Variants in GLDC observed in about 807,000 individuals in gnomAD.
GLDC encodes glycine decarboxylase, also known as glycine dehydrogenase (decarboxylating), mitochondrial.
GLDC carries 104 observed loss-of-function variants against 121.3 expected under a neutral mutation model. That is an observed-to-expected ratio of 0.86 (90% CI 0.73 to 1.01). The LOEUF is 1.01. Ranked by LOEUF, GLDC falls within the 50% of genes least tolerant of loss-of-function variation. GLDC has a pLI of 0.00. For synonymous variants in GLDC, 546 were observed against 480.6 expected, an observed-to-expected ratio of 1.14 and a Z score of -1.78; for missense variants, 1,429 against 1,306.6, an observed-to-expected ratio of 1.09 and a Z score of -1.44.
intron 16 of GLDC, among the ~76,000 whole-genome samples, chr9:6,563,163 CCCG>C (rs1476511272): frequency 6.6e-6 from 1 of 152,198 alleles, no homozygotes; most frequent in Non-Finnish European, 1.5e-5. Context: ...ACGGAAGAAC[CCCG>C]CCCAGGCCAA....
At chr9:6,602,704 G>T (rs1030839285) in intron 7 of GLDC, among the ~76,000 whole-genome samples, 1 of 152,110 alleles carries the variant, frequency 6.6e-6, no homozygotes, top group African/African-American at 2.4e-5. Context: ...TATACAATAA[G>T]TCTAGGAATT....
intron 6 of GLDC, 74 bp downstream of exon 6, chr9:6,605,057 A>C (rs1469781262): frequency 7.5e-7 from 1 of 1,325,968 alleles, no homozygotes; most frequent in Non-Finnish European, 1.1e-6. Context: ...ATGAAAAGAC[A>C]GAGAGAGAGA....
intron 16 of GLDC, among the ~76,000 whole-genome samples, chr9:6,561,492 T>C (rs1389885791): frequency 2.0e-5 from 3 of 151,928 alleles, no homozygotes; most frequent in Non-Finnish European, 4.4e-5. Context: ...CTAATAAAAA[T>C]ACAAAAAATA....
intron 2 of GLDC, 76 bp from the exon 3 acceptor site, chr9:6,620,395 T>A (rs1384937312): frequency 7.1e-6 from 9 of 1,274,278 alleles, no homozygotes; most frequent in African/African-American, 1.5e-5. Flanking sequence ...AAATCCCTCA[T>A]TTTGTTTGAG....
At chr9:6,564,480 T>C (rs1466781660) in intron 16 of GLDC, among the ~76,000 whole-genome samples, 41 of 152,222 alleles carry the variant, frequency 2.7e-4, no homozygotes, top group Admixed American at 2.7e-3. Context: ...ATCGGGCCAC[T>C]ACCACTCCAC....
chr9:6,588,726 AG>A, intron 12 of GLDC, 24 bp from the exon 13 acceptor site: 2 of 1,536,226 alleles, frequency 1.3e-6, no homozygotes, highest in East Asian at 2.2e-5. Context: ...ACACAGAATT[AG>A]GGGCCCCAAA....
Position 6,553,449 on chromosome 9 carries a change from C to T in GLDC, c.2376G>A (p.Glu792=), listed in dbSNP as rs2129715013. Residue 792 remains glutamate, a synonymous_variant, in exon 20 of 25, where the codon GAG becomes GAA. Transcript: ENST00000321612. The part of the protein sequence containing the change: ...NHPVISLKRN[E]DACPVGTVSA... ...TGACGGTTCCCACAGGACAGGCATC[C>T]TCATTCCGCTTTAGTGAAATGACGG... 6.2e-7 allele frequency: 1 copy of T among 1,613,760 alleles called. No homozygotes were observed.
At chr9:6,610,389 G>T in intron 3 of GLDC, 33 bp from the exon 4 acceptor site, 2 of 1,610,594 alleles carry the variant, frequency 1.2e-6, no homozygotes, top group South Asian at 2.2e-5. Flanking sequence ...TGTCCAAACT[G>T]ACTGCTGTTT....
chr9:6,614,148 C>T (rs1818919894), intron 3 of GLDC, among the ~76,000 whole-genome samples: 1 of 152,174 alleles, frequency 6.6e-6, no homozygotes, highest in South Asian at 2.1e-4. Flanking sequence ...AAGAGCATAT[C>T]TGTCTGCATT....
chr9:6,582,552 G>C (rs532120684), intron 15 of GLDC, among the ~76,000 whole-genome samples: 3 of 151,436 alleles, frequency 2.0e-5, no homozygotes, highest in East Asian at 2.0e-4. Context: ...CTGCTGGGCC[G>C]GGCGCGGTGG....
intron 8 of GLDC, among the ~76,000 whole-genome samples, chr9:6,600,154 A>T (rs1202880321): frequency 6.6e-6 from 1 of 152,204 alleles, no homozygotes; most frequent in Non-Finnish European, 1.5e-5. Context: ...ACTTGAGCTC[A>T]GGAATTTGAG....
chr9:6,554,604 C>T (rs1483803079), intron 19 of GLDC, 65 bp downstream of exon 19: 5 of 1,077,032 alleles, frequency 4.6e-6, no homozygotes, highest in Non-Finnish European at 4.2e-6. Flanking sequence ...GATGAGTAGT[C>T]TATTTAGGGC....
At chr9:6,576,617 C>T (rs1370574984) in intron 15 of GLDC, among the ~76,000 whole-genome samples, 1 of 152,090 alleles carries the variant, frequency 6.6e-6, no homozygotes, top group African/African-American at 2.4e-5. Context: ...CAGGCCCCTG[C>T]CACCACACCT....
At position 6,606,580 on chromosome 9, in the gene GLDC, C is replaced by A; in HGVS notation, c.713+12G>T. On this transcript the variant is annotated intron_variant, in intron 5 of 24. Transcript: ENST00000321612. ...ATTATACTGAGTTTAAAACACGAAT[C>A]AAATTAATTACTTGGCTCGAGTCTG... is the stretch of plus-strand genomic sequence containing the variant. 1 of 1,518,062 alleles carries A rather than the reference C, an allele frequency of 6.6e-7. No homozygotes were observed. The highest frequency in any genetic ancestry group is 2.2e-5 in the East Asian group (1 of 44,468). The allele number at this position is 1,518,062 out of a possible 1,614,324, so 94.0% of individuals were successfully genotyped here. A position where few individuals can be genotyped will look rare whatever the true frequency, so the allele number is the denominator to read the frequency against.
At chr9:6,620,416 A>G (rs1819067678) in intron 2 of GLDC, 97 bp from the exon 3 acceptor site, 1 of 1,037,138 alleles carries the variant, frequency 9.6e-7, no homozygotes, top group Non-Finnish European at 1.5e-6. Flanking sequence ...TATTTATGAC[A>G]GAATAACTAT....
intron 3 of GLDC, among the ~76,000 whole-genome samples, chr9:6,615,538 C>A (rs1001214405): frequency 1.3e-5 from 2 of 151,344 alleles, no homozygotes; most frequent in African/African-American, 2.4e-5. Flanking sequence ...GCTATTAGAG[C>A]ACCACTGTAC....
intron 22 of GLDC, among the ~76,000 whole-genome samples, chr9:6,536,757 ATAT>A (rs1225621201): frequency 2.6e-5 from 4 of 152,200 alleles, no homozygotes; most frequent in South Asian, 2.1e-4. Context: ...AGAAATAAAA[ATAT>A]TATAGCTTAT....
rs192522391 is a variant in GLDC, at chr9:6,625,361, A to G, written c.335-5042T>C. ...ACAAGCAGCACGGCTGAGAGAACCA[A>G]CTCAATGGCTGACTTTATTTGGCTG... On this transcript the variant is annotated intron_variant, in intron 2 of 24. Transcript: ENST00000321612. Among the ~76,000 whole-genome samples the G allele has an allele frequency of 2.6e-5, 4 of 152,336 alleles. No individual in the cohort carries two copies. In the East Asian group the frequency reaches 5.8e-4, roughly 22 times the overall value.
At position 6,565,619 on chromosome 9, in the gene GLDC, A is replaced by T; in HGVS notation, c.1851-190T>A. 1.9e-5 allele frequency: 13 copies of T among 668,370 alleles called. 1 individual carries two copies. The highest frequency in any genetic ancestry group is 3.9e-4 in the Middle Eastern group (1 of 2,594). 41.4% of individuals were successfully genotyped at this position (668,370 alleles called of 1,614,324 possible). On this transcript the variant is annotated intron_variant, in intron 15 of 24. Coordinates refer to ENST00000321612, the MANE Select transcript of GLDC (RefSeq NM_000170.3). ...CTTGAACAATCAAAACAATCAAAGC[A>T]ACAGCATCCAGTTTGTGCACTACAG...
Sources: allele counts gnomAD v4.1 joint callset (sites outside exome capture counted in the v4.1 genomes callset), GRCh38; gene constraint gnomAD v4.1.1; transcripts MANE v1.5; gene names NCBI Gene and HGNC (gene_info 2026-07-23, HGNC 2026-07-21).